ACOT1: variants seen among roughly 807,000 people sequenced by gnomAD.
The protein encoded by ACOT1 is acyl-coenzyme A thioesterase 1.
ACOT1 carries 8 observed loss-of-function variants against 15.7 expected under a neutral mutation model. That is an observed-to-expected ratio of 0.51 (90% CI 0.30 to 0.92). The LOEUF (loss-of-function observed/expected upper bound fraction) is 0.92. Ranked by LOEUF, ACOT1 falls within the 40% of genes least tolerant of loss-of-function variation. The pLI, the probability that ACOT1 is intolerant of heterozygous loss-of-function variation, is 0.06. For synonymous variants in ACOT1, 67 were observed against 241.2 expected, an observed-to-expected ratio of 0.28 and a Z score of 6.69; for missense variants, 151 against 539.4, an observed-to-expected ratio of 0.28 and a Z score of 7.13.
the ACOT1 span, chr14:73,529,208 A>G: frequency 6.6e-6 from 1 of 152,116 alleles, no homozygotes; most frequent in South Asian, 2.1e-4. Context: ...ACAAAAAATT[A>G]GCCAGGCGCA....
the ACOT1 span, chr14:73,493,171 T>G: frequency 6.6e-7 from 1 of 1,515,316 alleles, no homozygotes; most frequent in Non-Finnish European, 9.2e-7. Flanking sequence ...AAAAAAACCC[T>G]TGATCCGTGA....
At chr14:73,533,800 C>A (rs185995818), upstream of ACOT1, among the ~76,000 whole-genome samples, 1 of 105,168 alleles carries the variant, frequency 9.5e-6, no homozygotes, top group Non-Finnish European at 2.0e-5. Context: ...GTAATTCTAG[C>A]GCTTTGAGAG....
chr14:73,541,074 C>G (rs1889070826), intron 1 of ACOT1, among the ~76,000 whole-genome samples: 1 of 113,942 alleles, frequency 8.8e-6, no homozygotes, highest in Admixed American at 9.7e-5. Context: ...GTGTGAAACA[C>G]AAAACCTTTA....
the ACOT1 span, chr14:73,491,126 A>G: frequency 6.2e-7 from 1 of 1,607,730 alleles, no homozygotes; most frequent in Non-Finnish European, 8.5e-7. Context: ...CTTGAGGTCC[A>G]GGAAGATACG....
the ACOT1 span, chr14:73,521,045 C>T: frequency 2.5e-5 from 41 of 1,611,686 alleles, no homozygotes; most frequent in Non-Finnish European, 3.2e-5. Flanking sequence ...GCAATCTTGG[C>T]AGGGGTGAGA....
chr14:73,491,542 G>A, the ACOT1 span: 1 of 1,532,780 alleles, frequency 6.5e-7, no homozygotes, highest in Non-Finnish European at 8.7e-7. Flanking sequence ...TGGATAACAC[G>A]GGTGGGGAGC....
the ACOT1 span, among the ~76,000 whole-genome samples, chr14:73,516,514 C>T: frequency 6.8e-6 from 1 of 147,972 alleles, no homozygotes; most frequent in African/African-American, 2.5e-5. Flanking sequence ...GATATTTAAC[C>T]TCATAGGAAT....
the ACOT1 span, among the ~76,000 whole-genome samples, chr14:73,524,033 G>A: frequency 6.6e-6 from 1 of 152,102 alleles, no homozygotes; most frequent in South Asian, 2.1e-4. Flanking sequence ...GCTCACGCCT[G>A]TAATCCCAGC....
the ACOT1 span, among the ~76,000 whole-genome samples, chr14:73,515,671 CAAAAAAAAAAAA>C: frequency 1.8e-4 from 6 of 33,516 alleles, no homozygotes; most frequent in South Asian, 5.3e-3. Context: ...GACTCCATCT[CAAAAAAAAAAAA>C]AAAAAAAAAA....
upstream of ACOT1, among the ~76,000 whole-genome samples, chr14:73,535,469 C>CTTTTTTTTTTTT (rs869167008): frequency 1.2e-3 from 20 of 16,526 alleles, 1 homozygote; most frequent in Non-Finnish European, 4.2e-3. Context: ...TTTCTTCTTT[C>CTTTTTTTTTTTT]TTTTTTTTTT....
chr14:73,512,664 A>G, the ACOT1 span, among the ~76,000 whole-genome samples: 2 of 152,182 alleles, frequency 1.3e-5, no homozygotes, highest in Non-Finnish European at 2.9e-5. Flanking sequence ...GGTTCAATAA[A>G]TGTTAACTAT....
chr14:73,500,702 C>G, the ACOT1 span: 1 of 1,614,020 alleles, frequency 6.2e-7, no homozygotes, highest in South Asian at 1.1e-5. Flanking sequence ...TCCACACGCT[C>G]CTGGGAATTT....
the ACOT1 span, chr14:73,522,938 G>A: frequency 1.9e-6 from 3 of 1,614,212 alleles, no homozygotes; most frequent in Middle Eastern, 4.9e-4. Flanking sequence ...CTGAGAGAAG[G>A]TAAGGTTTGC....
the ACOT1 span, among the ~76,000 whole-genome samples, chr14:73,531,971 G>A: frequency 8.4e-4 from 97 of 115,152 alleles, 20 homozygotes; most frequent in African/African-American, 2.6e-3. Context: ...AGCAGAGGTT[G>A]CAGTGAGCCA....
At chr14:73,520,707 T>C in the ACOT1 span, 4 of 703,984 alleles carry the variant, frequency 5.7e-6, no homozygotes, top group African/African-American at 7.1e-5. Context: ...CCTGTGCTAG[T>C]GTGGGTGCTG....
the ACOT1 span, chr14:73,522,594 C>A: frequency 6.2e-7 from 1 of 1,614,252 alleles, no homozygotes; most frequent in South Asian, 1.1e-5. Flanking sequence ...GCTTCTCTTT[C>A]CTCCAGGTTC....
chr14:73,509,810 CCATATATATATATATATATA>C, the ACOT1 span, among the ~76,000 whole-genome samples: 261 of 63,194 alleles, frequency 4.1e-3, 31 homozygotes, highest in East Asian at 0.016. Flanking sequence ...CCCCATGAGC[CCATATATATATATATATATA>C]TATATATATA....
chr14:73,502,905 C>T, the ACOT1 span: 12 of 1,611,764 alleles, frequency 7.4e-6, no homozygotes, highest in South Asian at 4.4e-5. Flanking sequence ...CTGATTATGT[C>T]GTGCACCTCT....
chr14:73,491,577 G>A, the ACOT1 span: 2 of 1,542,862 alleles, frequency 1.3e-6, no homozygotes, highest in East Asian at 2.4e-5. Context: ...CCGCTGCGGC[G>A]CGTCTTGGCC....
Sources: allele counts gnomAD v4.1 joint callset (sites outside exome capture counted in the v4.1 genomes callset), GRCh38; gene constraint gnomAD v4.1.1; transcripts MANE v1.5; gene names NCBI Gene and HGNC (gene_info 2026-07-23, HGNC 2026-07-21).